Variants in RERE observed in about 807,000 individuals in gnomAD.
RERE encodes arginine-glutamic acid dipeptide repeats protein.
In RERE, 40 loss-of-function variants were observed where a neutral mutation model predicts 146.1. The observed-to-expected ratio is 0.27, with a 90% confidence interval of 0.21 to 0.36. The LOEUF (loss-of-function observed/expected upper bound fraction) is 0.36, where lower values mean the gene tolerates loss of function less well. Ranked by LOEUF, RERE falls within the 10% of genes least tolerant of loss-of-function variation. RERE has a pLI of 1.00. For missense variants in RERE, 1,933 were observed against 2,138.7 expected (o/e 0.90, Z 1.90); for synonymous variants, 1,003 against 866.0 (o/e 1.16, Z -2.78).
chr1:8,448,165 A>G (rs755591574), intron 11 of RERE, among the ~76,000 whole-genome samples: 17 of 152,126 alleles, frequency 1.1e-4, no homozygotes, highest in Non-Finnish European at 1.3e-4. Flanking sequence ...TCTGCACACG[A>G]CAGGCATTTA....
At chr1:8,696,866 C>T (rs1236262867) in intron 1 of RERE, among the ~76,000 whole-genome samples, 1 of 151,674 alleles carries the variant, frequency 6.6e-6, no homozygotes, top group Non-Finnish European at 1.5e-5. Context: ...GCTGAGATTG[C>T]GCCACTGCAC....
chr1:8,526,540 G>A (rs1367856130), intron 7 of RERE, among the ~76,000 whole-genome samples: 4 of 152,116 alleles, frequency 2.6e-5, no homozygotes, highest in Non-Finnish European at 4.4e-5. Context: ...TTGTCACACA[G>A]GTACAGACAC....
chr1:8,427,581 T>A (rs774228695), intron 11 of RERE, among the ~76,000 whole-genome samples: 19 of 148,608 alleles, frequency 1.3e-4, no homozygotes, highest in Non-Finnish European at 2.7e-4. Context: ...CTACCACAGC[T>A]GTCAATGTAT....
intron 3 of RERE, among the ~76,000 whole-genome samples, chr1:8,615,720 G>A (rs1646845012): frequency 6.6e-6 from 1 of 152,042 alleles, no homozygotes; most frequent in Non-Finnish European, 1.5e-5. Context: ...ACAACTTTCT[G>A]TAAACAAAGA....
intron 4 of RERE, among the ~76,000 whole-genome samples, chr1:8,561,645 CTG>C (rs1646080057): frequency 6.6e-6 from 1 of 152,188 alleles, no homozygotes. Flanking sequence ...AATTTTTTCT[CTG>C]TATCTGTGCA....
At chr1:8,478,735 C>A (rs936065791) in intron 10 of RERE, among the ~76,000 whole-genome samples, 1 of 152,146 alleles carries the variant, frequency 6.6e-6, no homozygotes, top group African/African-American at 2.4e-5. Context: ...GAGTTTATCC[C>A]AGGCCAGCTC....
At chr1:8,578,865 T>C (rs992753219) in intron 4 of RERE, among the ~76,000 whole-genome samples, 3 of 152,224 alleles carry the variant, frequency 2.0e-5, no homozygotes, top group Non-Finnish European at 4.4e-5. Context: ...AGATCCTTTA[T>C]ATGAAAAATA....
chr1:8,362,207 A>G (rs1304720317), intron 16 of RERE, among the ~76,000 whole-genome samples: 2 of 152,220 alleles, frequency 1.3e-5, no homozygotes, highest in Admixed American at 1.3e-4. Flanking sequence ...CAGTGGAACC[A>G]CTGTTTAAAC....
At chr1:8,395,209 C>T (rs1038848663) in intron 12 of RERE, among the ~76,000 whole-genome samples, 5 of 152,116 alleles carry the variant, frequency 3.3e-5, no homozygotes, top group African/African-American at 1.2e-4. Flanking sequence ...GGTGCAGTGG[C>T]TCATGCTTGT....
intron 1 of RERE, among the ~76,000 whole-genome samples, chr1:8,814,444 C>T (rs771882539): frequency 1.3e-4 from 20 of 152,228 alleles, no homozygotes. Flanking sequence ...ACACTCATTT[C>T]ACATTTTCTC....
intron 12 of RERE, among the ~76,000 whole-genome samples, chr1:8,385,742 C>T (rs898122801): frequency 6.6e-6 from 1 of 150,806 alleles, no homozygotes; most frequent in Non-Finnish European, 1.5e-5. Flanking sequence ...GCGGATGGAT[C>T]ACTAGGTCAG....
intron 11 of RERE, among the ~76,000 whole-genome samples, chr1:8,441,237 G>A (rs1644243803): frequency 1.3e-5 from 2 of 152,130 alleles, no homozygotes; most frequent in African/African-American, 4.8e-5. Flanking sequence ...TATAAGATGT[G>A]TAAGACCATA....
intron 10 of RERE, among the ~76,000 whole-genome samples, chr1:8,477,265 G>T (rs1276065968): frequency 6.6e-6 from 1 of 152,186 alleles, no homozygotes; most frequent in African/African-American, 2.4e-5. Flanking sequence ...CTCCACAGAC[G>T]CAGTCAATAA....
At chr1:8,470,383 T>C (rs961641506) in intron 10 of RERE, among the ~76,000 whole-genome samples, 1 of 152,022 alleles carries the variant, frequency 6.6e-6, no homozygotes, top group African/African-American at 2.4e-5. Context: ...TGCCTCAACC[T>C]CCTGAGTAGC....
chr1:8,659,759 A>G (rs1638411688), intron 1 of RERE, among the ~76,000 whole-genome samples: 1 of 152,238 alleles, frequency 6.6e-6, no homozygotes, highest in South Asian at 2.1e-4. Flanking sequence ...GGGGTTAACA[A>G]GATAACTGCT....
intron 12 of RERE, among the ~76,000 whole-genome samples, chr1:8,387,535 C>T (rs566283649): frequency 9.9e-4 from 151 of 152,232 alleles, no homozygotes; most frequent in African/African-American, 3.6e-3. Flanking sequence ...AGATAAGCCA[C>T]AAGCCAGAAG....
Position 8,685,241 on chromosome 1 carries a change from C to T in RERE, c.-144-28800G>A, listed in dbSNP as rs564651891. Among the ~76,000 whole-genome samples, 15 of 152,278 alleles carry T rather than the reference C, an allele frequency of 9.9e-5. No individual in the cohort carries two copies. The South Asian group carries it at 2.9e-3, about 29-fold the overall frequency. On this transcript the variant is annotated intron_variant, in intron 1 of 22. Transcript: ENST00000400908. ...CACATTTCCTGATTCAACAGTTTAC[C>T]TACTACACACAGAAAGGCTTTCCAG...
chr1:8,454,094 T>C (rs1644422067), intron 11 of RERE, among the ~76,000 whole-genome samples: 1 of 152,206 alleles, frequency 6.6e-6, no homozygotes, highest in South Asian at 2.1e-4. Flanking sequence ...TGATGGGCCA[T>C]CCTTCCTCCC....
chr1:8,377,209 G>A (rs1642285250), intron 12 of RERE, among the ~76,000 whole-genome samples: 2 of 152,204 alleles, frequency 1.3e-5, no homozygotes, highest in South Asian at 4.1e-4. Flanking sequence ...CCCGGCCTCT[G>A]GCCTGGAAGC....
Sources: gnomAD v4.1 joint callset for allele counts (sites outside exome capture counted in the v4.1 genomes callset) on GRCh38, gnomAD v4.1.1 for gene constraint, MANE v1.5 for transcripts, NCBI Gene and HGNC (gene_info 2026-07-23, HGNC 2026-07-21) for gene names.